Variants in UGT2B4 observed in about 807,000 individuals in gnomAD.
The protein encoded by UGT2B4 is UDP glucuronosyltransferase family 2 member B4, also known as UDP-glucuronosyltransferase 2B4.
UGT2B4 carries 49 observed loss-of-function variants against 49.8 expected under a neutral mutation model. The ratio of observed to expected loss-of-function variants is 0.98; its 90% CI spans 0.78 to 1.25. The LOEUF is 1.25. Ranked by LOEUF, UGT2B4 falls within the 50% of genes most tolerant of loss-of-function variation. The probability of loss-of-function intolerance (pLI) is 0.00; values close to 1 mark genes in which losing one functional copy is unlikely to be tolerated. For missense variants in UGT2B4, 729 were observed against 627.7 expected, an observed-to-expected ratio of 1.16 and a Z score of -1.73; for synonymous variants, 246 against 217.7, an observed-to-expected ratio of 1.13 and a Z score of -1.14.
chr4:69,500,002 C>T (rs1176575082), upstream of UGT2B4, among the ~76,000 whole-genome samples: 1 of 152,122 alleles, frequency 6.6e-6, no homozygotes, highest in East Asian at 1.9e-4. Context: ...ACCCAAATGC[C>T]CATCAATGAT....
At chr4:69,481,293 T>A (rs1041465298) in intron 5 of UGT2B4, among the ~76,000 whole-genome samples, 1 of 151,924 alleles carries the variant, frequency 6.6e-6, no homozygotes, top group African/African-American at 2.4e-5. Flanking sequence ...TAAGTTAATT[T>A]GCCTGAGCAC....
chr4:69,509,319 A>G (rs1257714398), intron 1 of UGT2B4, among the ~76,000 whole-genome samples: 3 of 151,812 alleles, frequency 2.0e-5, no homozygotes, highest in Non-Finnish European at 4.4e-5. Flanking sequence ...CTACAGGCGC[A>G]TGCCCCTACC....
At chr4:69,500,485 A>T (rs1428375455), upstream of UGT2B4, among the ~76,000 whole-genome samples, 1 of 149,004 alleles carries the variant, frequency 6.7e-6, no homozygotes, top group Non-Finnish European at 1.5e-5. Flanking sequence ...GGAAGAAAAG[A>T]AAGAAAGCAA....
chr4:69,519,482 A>T (rs946037466), intron 1 of UGT2B4, among the ~76,000 whole-genome samples: 2 of 152,200 alleles, frequency 1.3e-5, no homozygotes, highest in Non-Finnish European at 2.9e-5. Context: ...GCATTCCTCC[A>T]TCTACTCAGA....
At chr4:69,512,186 G>A (rs776002550) in intron 1 of UGT2B4, among the ~76,000 whole-genome samples, 20 of 151,178 alleles carry the variant, frequency 1.3e-4, no homozygotes, top group Non-Finnish European at 7.4e-5. Flanking sequence ...TGCCAACGTT[G>A]GGCTTAGTTT....
chr4:69,484,006 A>C (rs1378016949), intron 5 of UGT2B4, among the ~76,000 whole-genome samples: 1 of 152,184 alleles, frequency 6.6e-6, no homozygotes, highest in Non-Finnish European at 1.5e-5. Flanking sequence ...TAAAATAGAC[A>C]TTTTTCCAAA....
At chr4:69,520,841 C>T (rs886478597) in intron 1 of UGT2B4, among the ~76,000 whole-genome samples, 11 of 152,186 alleles carry the variant, frequency 7.2e-5, no homozygotes, top group East Asian at 3.9e-4. Flanking sequence ...GACTCCTGGG[C>T]GGTAAGAGGC....
Position 69,492,759 on chromosome 4 carries a change from C to T in UGT2B4, c.870+934G>A, listed in dbSNP as rs1728027827. On this transcript the variant is annotated intron_variant, in intron 2 of 5. Transcript: ENST00000305107. ...TTATTTGTATTAACTTTTTTCCACA[C>T]AACACAATATGAAGTTAGTCATATT... Among the ~76,000 whole-genome samples the T allele has an allele frequency of 5.3e-5, 8 of 152,072 alleles. No homozygotes were observed. The South Asian group carries it at 1.7e-3, about 32-fold the overall frequency.
At chr4:69,492,657 G>A (rs554398956) in intron 2 of UGT2B4, among the ~76,000 whole-genome samples, 3 of 152,068 alleles carry the variant, frequency 2.0e-5, no homozygotes, top group Non-Finnish European at 4.4e-5. Flanking sequence ...CATAGTATTA[G>A]TAATAACAAA....
chr4:69,523,788 A>G (rs1160963610), intron 1 of UGT2B4, among the ~76,000 whole-genome samples: 6 of 152,122 alleles, frequency 3.9e-5, no homozygotes, highest in Non-Finnish European at 5.9e-5. Context: ...AATAAAGGGC[A>G]ATTTTGTCTA....
chr4:69,490,423 G>T (rs1037535326), intron 2 of UGT2B4, among the ~76,000 whole-genome samples: 2 of 152,110 alleles, frequency 1.3e-5, no homozygotes, highest in Non-Finnish European at 2.9e-5. Flanking sequence ...AGAGGCAGCA[G>T]CACTTGCACC....
intron 2 of UGT2B4, among the ~76,000 whole-genome samples, chr4:69,489,847 A>C (rs1212995984): frequency 6.6e-6 from 1 of 152,080 alleles, no homozygotes; most frequent in Non-Finnish European, 1.5e-5. Flanking sequence ...GTATTTGAGG[A>C]GATACCCAAA....
At chr4:69,493,877 CAA>C (rs763101902) in intron 1 of UGT2B4, 36 bp from the exon 2 acceptor site, 26 of 1,565,300 alleles carry the variant, frequency 1.7e-5, no homozygotes, top group Non-Finnish European at 2.1e-5. Flanking sequence ...ATAGATGACA[CAA>C]GATAATTAAA....
rs1488737253 is a variant in UGT2B4 at position 69,480,770 on chromosome 4, G to C, written c.1451C>G (p.Thr484Ser). Residue 484 changes from threonine (T) to serine (S), a missense_variant, in exon 6 of 6, where the codon ACC (threonine) becomes AGC (serine). Physicochemically the swap from Thr to Ser is moderately conservative, Grantham distance 58 (BLOSUM62 1). Transcript: ENST00000305107. ...KHLRVAAHDL[T>S]WFQYHSLDVT... Reference sequence around the variant, plus strand: ...ATCCAAAGAGTGGTACTGGAACCAGGTGAGGTCGTGGGCTGCAACCCGAAG... The same window carrying C: ...ATCCAAAGAGTGGTACTGGAACCAGCTGAGGTCGTGGGCTGCAACCCGAAG... 1 of 1,613,912 alleles carries C rather than the reference G, an allele frequency of 6.2e-7. No individual in the cohort carries two copies. The highest frequency in any genetic ancestry group is 8.5e-7 in the Non-Finnish European group (1 of 1,179,934).
intron 1 of UGT2B4, among the ~76,000 whole-genome samples, chr4:69,508,987 C>A (rs1472579501): frequency 6.6e-6 from 1 of 152,092 alleles, no homozygotes; most frequent in Non-Finnish European, 1.5e-5. Flanking sequence ...CCAAGTCTCT[C>A]TTTTCCTAGT....
chr4:69,513,136 T>C (rs183122973), intron 1 of UGT2B4, among the ~76,000 whole-genome samples: 1 of 152,322 alleles, frequency 6.6e-6, no homozygotes, highest in Non-Finnish European at 1.5e-5. Context: ...GATTTGGGTG[T>C]TTTCATCATA....
At chr4:69,485,914 C>T (rs1018580622) in intron 4 of UGT2B4, among the ~76,000 whole-genome samples, 1 of 152,008 alleles carries the variant, frequency 6.6e-6, no homozygotes, top group African/African-American at 2.4e-5. Context: ...GGACAAACAG[C>T]CATGCCCAGT....
At chr4:69,492,013 T>C (rs1280290045) in intron 2 of UGT2B4, among the ~76,000 whole-genome samples, 2 of 152,096 alleles carry the variant, frequency 1.3e-5, no homozygotes, top group Non-Finnish European at 2.9e-5. Context: ...CTTAGAAGGG[T>C]GATATCAATT....
intron 1 of UGT2B4, among the ~76,000 whole-genome samples, chr4:69,503,967 G>T (rs1011230438): frequency 1.1e-4 from 16 of 152,208 alleles, no homozygotes; most frequent in African/African-American, 3.9e-4. Context: ...GTTGGGAACA[G>T]AATGTTGGTC....
Sources: allele counts gnomAD v4.1 joint callset (sites outside exome capture counted in the v4.1 genomes callset), GRCh38; gene constraint gnomAD v4.1.1; transcripts MANE v1.5; gene names NCBI Gene and HGNC (gene_info 2026-07-23, HGNC 2026-07-21).